ARL6IP6: variants seen among roughly 807,000 people sequenced by gnomAD.
The protein encoded by ARL6IP6 is ARF like GTPase 6 interacting protein 6.
In ARL6IP6, 22 loss-of-function variants were observed where a neutral mutation model predicts 21.5. The observed-to-expected ratio is 1.02, with a 90% CI of 0.73 to 1.46. The LOEUF (loss-of-function observed/expected upper bound fraction) is 1.46. Among genes scored for constraint, ARL6IP6 ranks in the 40% most tolerant of loss-of-function variants. The pLI, the probability that ARL6IP6 is intolerant of heterozygous loss-of-function variation, is 0.00. For synonymous variants in ARL6IP6, 164 were observed against 125.3 expected, an observed-to-expected ratio of 1.31 and a Z score of -2.06; for missense variants, 388 against 299.8, an observed-to-expected ratio of 1.29 and a Z score of -2.17.
chr2:152,743,486 G>T (rs1384065148), intron 3 of ARL6IP6, among the ~76,000 whole-genome samples: 1 of 152,122 alleles, frequency 6.6e-6, no homozygotes, highest in Non-Finnish European at 1.5e-5. Flanking sequence ...AGTCATTCTT[G>T]GCAAGTAAAG....
chr2:152,725,527 A>T (rs545984179), intron 2 of ARL6IP6, among the ~76,000 whole-genome samples: 22 of 152,372 alleles, frequency 1.4e-4, no homozygotes, highest in Non-Finnish European at 2.8e-4. Flanking sequence ...AATTGTTTGT[A>T]ATCTAAAAAT....
At chr2:152,730,936 A>G (rs1383389159) in intron 2 of ARL6IP6, among the ~76,000 whole-genome samples, 3 of 152,230 alleles carry the variant, frequency 2.0e-5, no homozygotes, top group Non-Finnish European at 4.4e-5. Context: ...ATTTACACAC[A>G]TAAGTGCAAA....
chr2:152,738,002 G>A (rs928735966), intron 3 of ARL6IP6, among the ~76,000 whole-genome samples: 2 of 152,076 alleles, frequency 1.3e-5, no homozygotes, highest in African/African-American at 2.4e-5. Flanking sequence ...TTAAAAGCAG[G>A]TTAATTACTT....
chr2:152,726,189 TG>T (rs1331974126), intron 2 of ARL6IP6, among the ~76,000 whole-genome samples: 2 of 152,208 alleles, frequency 1.3e-5, no homozygotes, highest in African/African-American at 4.8e-5. Flanking sequence ...GATTTACCAA[TG>T]TTGGGAACTA....
At chr2:152,747,861 A>G (rs960989822) in intron 3 of ARL6IP6, among the ~76,000 whole-genome samples, 2 of 152,098 alleles carry the variant, frequency 1.3e-5, no homozygotes, top group Non-Finnish European at 2.9e-5. Flanking sequence ...GTGAGCCACC[A>G]TGCCTGGCCA....
chr2:152,723,312 G>A (rs1421062066), intron 2 of ARL6IP6, among the ~76,000 whole-genome samples: 1 of 152,202 alleles, frequency 6.6e-6, no homozygotes. Context: ...CCTTTTATCA[G>A]ATGATAACGA....
intron 3 of ARL6IP6, among the ~76,000 whole-genome samples, chr2:152,739,499 A>G (rs1700709852): frequency 6.6e-6 from 1 of 152,094 alleles, no homozygotes; most frequent in South Asian, 2.1e-4. Context: ...TCTGTTGGAG[A>G]CCACCTCAAC....
At chr2:152,720,894 C>T (rs1699758189) in intron 2 of ARL6IP6, among the ~76,000 whole-genome samples, 1 of 152,098 alleles carries the variant, frequency 6.6e-6, no homozygotes, top group South Asian at 2.1e-4. Context: ...AGTTCCAGAC[C>T]AGTCTGGGCA....
chr2:152,735,214 A>T, intron 3 of ARL6IP6, 88 bp downstream of exon 3: 1 of 1,420,084 alleles, frequency 7.0e-7, no homozygotes, highest in Non-Finnish European at 9.7e-7. Flanking sequence ...GCTGATCGTG[A>T]GGTATGTTGA....
rs369281391 is a variant in ARL6IP6, at chr2:152,718,836, C to G, written c.212C>G (p.Ser71Trp). The change falls in exon 1 of 4, where the codon TCG becomes TGG. Residue 71 changes from serine to tryptophan, a missense_variant. By Grantham distance (177) the Ser-to-Trp change is radical. Transcript: ENST00000326446. ...AGAWSEPRKR[S>W]VLPPDGNGSP... ...GCGTGGTCAGAGCCCAGAAAGCGCT[C>G]GGTGCTCCCGCCGGACGGGAACGGG... The G allele has an allele frequency of 7.4e-6, 12 of 1,610,764 alleles. No homozygotes were observed. The African/African-American group carries it at 1.2e-4, about 16-fold the overall frequency.
intron 2 of ARL6IP6, among the ~76,000 whole-genome samples, chr2:152,728,420 G>A (rs1700145288): frequency 6.6e-6 from 1 of 152,158 alleles, no homozygotes; most frequent in Non-Finnish European, 1.5e-5. Flanking sequence ...TATATAATAT[G>A]TGTAAATTGG....
chr2:152,742,519 T>C (rs754285412), intron 3 of ARL6IP6, among the ~76,000 whole-genome samples: 6 of 150,460 alleles, frequency 4.0e-5, no homozygotes, highest in Non-Finnish European at 8.9e-5. Flanking sequence ...AGTGAGCTAT[T>C]ATATCGTGCC....
intron 2 of ARL6IP6, among the ~76,000 whole-genome samples, chr2:152,729,132 G>A (rs578112303): frequency 1.4e-4 from 22 of 152,320 alleles, no homozygotes; most frequent in African/African-American, 2.6e-4. Flanking sequence ...AGAACTTTGG[G>A]AGGCTGAGGC....
intron 3 of ARL6IP6, among the ~76,000 whole-genome samples, chr2:152,753,723 G>A (rs976082864): frequency 9.2e-5 from 12 of 131,082 alleles, no homozygotes; most frequent in African/African-American, 2.3e-4. Flanking sequence ...TTTTTTTGAC[G>A]GAGTCTCGCT....
intron 2 of ARL6IP6, among the ~76,000 whole-genome samples, chr2:152,725,378 AT>A (rs551773040): frequency 7.4e-4 from 112 of 152,138 alleles, no homozygotes; most frequent in African/African-American, 2.6e-3. Context: ...GACTTTAAGT[AT>A]TTTTTTCATC....
rs1488353266 is a variant in ARL6IP6, at chr2:152,718,768, C to T, written c.144C>T (p.Cys48=). Residue 48 remains cysteine, a synonymous_variant, in exon 1 of 4, where the codon TGC becomes TGT. Transcript: ENST00000326446. ...GEGEVDEEEG[C]DQVARDLRAE... ...GCGAAGTCGACGAGGAGGAGGGATGCGACCAAGTGGCCCGCGACCTGCGGG... is the reference window on the plus strand; with the variant it reads ...GCGAAGTCGACGAGGAGGAGGGATGTGACCAAGTGGCCCGCGACCTGCGGG... 4 of 1,608,774 alleles carry T rather than the reference C, an allele frequency of 2.5e-6. No homozygotes were observed. In the African/African-American group the frequency reaches 4.0e-5, roughly 16 times the overall value.
intron 3 of ARL6IP6, among the ~76,000 whole-genome samples, chr2:152,748,233 G>A (rs541564871): frequency 5.6e-4 from 85 of 152,272 alleles, no homozygotes; most frequent in African/African-American, 2.0e-3. Flanking sequence ...CAATGGTCAA[G>A]TTCATTGAAA....
At chr2:152,719,499 A>G (rs1354423915) in intron 1 of ARL6IP6, among the ~76,000 whole-genome samples, 1 of 152,222 alleles carries the variant, frequency 6.6e-6, no homozygotes, top group Admixed American at 6.5e-5. Flanking sequence ...TTTTATAGGT[A>G]AAATAATTAG....
chr2:152,756,259 T>C (rs1277860973), intron 3 of ARL6IP6, among the ~76,000 whole-genome samples: 1 of 152,184 alleles, frequency 6.6e-6, no homozygotes, highest in Non-Finnish European at 1.5e-5. Flanking sequence ...TTGTATATTG[T>C]GTAAGGTAGA....
Sources: allele counts gnomAD v4.1 joint callset (sites outside exome capture counted in the v4.1 genomes callset), GRCh38; gene constraint gnomAD v4.1.1; transcripts MANE v1.5; gene names NCBI Gene and HGNC (gene_info 2026-07-23, HGNC 2026-07-21).